The following AASS variants were observed in gnomAD, a reference collection of about 807,000 sequenced individuals.
AASS encodes the protein aminoadipate-semialdehyde synthase, also known as alpha-aminoadipic semialdehyde synthase, mitochondrial.
In AASS, 86 loss-of-function variants were observed where a neutral mutation model predicts 105.4. The observed-to-expected ratio is 0.82, with a 90% CI of 0.69 to 0.98. AASS has a LOEUF of 0.98. Among genes scored for constraint, AASS ranks in the 50% least tolerant of loss-of-function variants. The pLI is 0.00. For synonymous variants in AASS, 381 were observed against 394.8 expected (o/e 0.96, Z 0.41); for missense variants, 1,048 against 1,143.2 (o/e 0.92, Z 1.20).
intron 19 of AASS, 153 bp from the exon 20 acceptor site, chr7:122,081,748 T>C (rs570198982): frequency 5.1e-5 from 32 of 631,178 alleles, no homozygotes; most frequent in African/African-American, 5.0e-4. Flanking sequence ...AGAATTTGCC[T>C]AGCAGGTTTT....
At chr7:122,113,034 A>G (rs1584866930) in intron 11 of AASS, 84 bp downstream of exon 11, 1 of 1,099,686 alleles carries the variant, frequency 9.1e-7, no homozygotes, top group Non-Finnish European at 1.4e-6. Context: ...TTTCTTAGAT[A>G]CAGAAGACCA....
rs201378231 is a variant in AASS at position 122,091,814 on chromosome 7, C to G, written c.1905G>C (p.Gly635=). Residue 635 remains glycine (G), a synonymous_variant, in exon 18 of 24, where the codon GGG becomes GGC. Transcript: ENST00000417368. ...TIESYISYCG[G]LPAPEHSNNP... is the part of the protein sequence containing the mutation. ...TGTTTGAATGTTCAGGGGCTGGAAG[C>G]CCACCACAGTAGGAAATATATGATT... 3 of 1,612,198 alleles carry G rather than the reference C, an allele frequency of 1.9e-6. No homozygotes were observed. Among genetic ancestry groups the G allele is most frequent in the Non-Finnish European group, 2.5e-6 (3 of 1,178,688 alleles).
intron 1 of AASS, among the ~76,000 whole-genome samples, chr7:122,142,674 T>C (rs1283595210): frequency 6.6e-6 from 1 of 152,226 alleles, no homozygotes; most frequent in African/African-American, 2.4e-5. Context: ...AAATGTTTGT[T>C]TCCATGATTT....
Position 122,113,705 on chromosome 7 carries a change from A to G in AASS, c.1059T>C (p.Cys353=), listed in dbSNP as rs1251892102. 1 of 1,613,022 alleles carries G rather than the reference A, an allele frequency of 6.2e-7. No homozygotes were observed. The highest frequency in any genetic ancestry group is 8.5e-7 in the Non-Finnish European group (1 of 1,179,658). Residue 353 remains cysteine (C), a synonymous_variant, in exon 10 of 24, where the codon TGT becomes TGC. Transcript: ENST00000417368. ...ACCCTCCTGTGTCAGCTGAAATGTC[A>G]CATATTGCCACGAGTCTGAAAATAA... The part of the protein sequence containing the change: ...PALPHKLVAI[C]DISADTGGSI...
At chr7:122,079,763 T>TA (rs1378128351) in intron 20 of AASS, 51 bp from the exon 21 acceptor site, 128 of 1,279,056 alleles carry the variant, frequency 1.0e-4, no homozygotes, top group Non-Finnish European at 1.5e-4. Flanking sequence ...AAATTTTTTT[T>TA]TAATTGACTG....
chr7:122,119,940 C>T (rs970815306), intron 4 of AASS, among the ~76,000 whole-genome samples: 5 of 152,092 alleles, frequency 3.3e-5, no homozygotes, highest in Non-Finnish European at 5.9e-5. Context: ...AGGTGGCCCC[C>T]GATAAAGGTG....
At chr7:122,113,923 CAAAA>C (rs776611119) in intron 9 of AASS, among the ~76,000 whole-genome samples, 4 of 56,274 alleles carry the variant, frequency 7.1e-5, no homozygotes, top group Non-Finnish European at 1.1e-4. Context: ...TTTTAGTCTC[CAAAA>C]AAAAAAAAAA....
At chr7:122,129,012 A>G (rs999508281) in intron 3 of AASS, among the ~76,000 whole-genome samples, 12 of 152,266 alleles carry the variant, frequency 7.9e-5, no homozygotes, top group African/African-American at 2.6e-4. Context: ...TGGGAGGCGG[A>G]GGTTGCAGTG....
At chr7:122,127,152 C>A (rs1479237387) in intron 3 of AASS, among the ~76,000 whole-genome samples, 2 of 152,040 alleles carry the variant, frequency 1.3e-5, no homozygotes, top group African/African-American at 2.4e-5. Context: ...CAAGATAAAA[C>A]CTGGAGTGAT....
intron 8 of AASS, among the ~76,000 whole-genome samples, chr7:122,116,314 A>C (rs188288442): frequency 2.6e-5 from 4 of 152,320 alleles, no homozygotes; most frequent in Admixed American, 1.3e-4. Context: ...CTCTGCCCAC[A>C]GTGCTAACTA....
chr7:122,078,386 G>A (rs545043249), intron 22 of AASS, among the ~76,000 whole-genome samples: 1 of 152,058 alleles, frequency 6.6e-6, no homozygotes, highest in African/African-American at 2.4e-5. Flanking sequence ...GGCTAAGGTG[G>A]GCGGATCACG....
At chr7:122,076,808 G>A (rs1269202216) in intron 23 of AASS, among the ~76,000 whole-genome samples, 3 of 152,196 alleles carry the variant, frequency 2.0e-5, no homozygotes, top group African/African-American at 7.2e-5. Flanking sequence ...GTTGATTTTA[G>A]ATTGAAAGCA....
intron 4 of AASS, among the ~76,000 whole-genome samples, chr7:122,124,351 C>T (rs1298857200): frequency 2.0e-5 from 3 of 152,150 alleles, no homozygotes; most frequent in Non-Finnish European, 2.9e-5. Context: ...GGCATGATCT[C>T]GGCTTCCTGC....
intron 11 of AASS, among the ~76,000 whole-genome samples, chr7:122,107,966 A>C (rs973967120): frequency 4.2e-4 from 64 of 151,252 alleles, no homozygotes; most frequent in East Asian, 1.9e-4. Flanking sequence ...AAAAAAAAAA[A>C]ACACAGATGA....
At chr7:122,112,540 G>A (rs1474832963) in intron 11 of AASS, among the ~76,000 whole-genome samples, 1 of 152,180 alleles carries the variant, frequency 6.6e-6, no homozygotes, top group Non-Finnish European at 1.5e-5. Flanking sequence ...GGCAGAGGCA[G>A]ACAGTCTGAA....
chr7:122,079,218 T>A, intron 21 of AASS: 3 of 1,378,880 alleles, frequency 2.2e-6, no homozygotes, highest in South Asian at 3.1e-5. Flanking sequence ...AAGATCTTTA[T>A]GAGATTAATT....
intron 6 of AASS, among the ~76,000 whole-genome samples, chr7:122,117,987 C>T (rs971143159): frequency 2.0e-5 from 3 of 151,792 alleles, no homozygotes; most frequent in African/African-American, 4.8e-5. Flanking sequence ...GAAAAAGAAA[C>T]GAAGAAAAAG....
chr7:122,141,490 TC>T (rs1284468829), intron 1 of AASS, among the ~76,000 whole-genome samples: 25 of 152,174 alleles, frequency 1.6e-4, no homozygotes, highest in Admixed American at 1.3e-3. Flanking sequence ...ATCTCTGTAT[TC>T]CCAATGACTG....
At chr7:122,089,917 C>G (rs1793814550) in intron 18 of AASS, among the ~76,000 whole-genome samples, 2 of 152,074 alleles carry the variant, frequency 1.3e-5, no homozygotes, top group South Asian at 4.1e-4. Flanking sequence ...TAATTTATAC[C>G]AAACATAGGC....
Sources: gnomAD v4.1 joint callset for allele counts (sites outside exome capture counted in the v4.1 genomes callset) on GRCh38, gnomAD v4.1.1 for gene constraint, MANE v1.5 for transcripts, NCBI Gene and HGNC (gene_info 2026-07-23, HGNC 2026-07-21) for gene names.